MDGA2: variants seen among roughly 807,000 people sequenced by gnomAD.
MDGA2 encodes the protein MAM domain containing glycosylphosphatidylinositol anchor 2, also known as MAM domain-containing glycosylphosphatidylinositol anchor protein 2.
Under a neutral mutation model 117.8 loss-of-function variants are expected in MDGA2, and 40 were observed. That is an observed-to-expected ratio of 0.34 (90% CI 0.26 to 0.44). MDGA2 has a LOEUF of 0.44. Among genes scored for constraint, MDGA2 ranks in the 20% least tolerant of loss-of-function variants. The pLI, the probability that MDGA2 is intolerant of heterozygous loss-of-function variation, is 1.00. For synonymous variants in MDGA2, 452 were observed against 439.0 expected (o/e 1.03, Z -0.37); for missense variants, 1,123 against 1,250.6 (o/e 0.90, Z 1.54).
chr14:47,310,498 C>CG (rs1303863843), intron 1 of MDGA2, among the ~76,000 whole-genome samples: 2 of 151,988 alleles, frequency 1.3e-5, no homozygotes, highest in African/African-American at 4.8e-5. Flanking sequence ...GTTGCTCAAA[C>CG]GACTTGTATA....
chr14:47,152,176 T>C (rs547846893), intron 3 of MDGA2, among the ~76,000 whole-genome samples: 5 of 152,276 alleles, frequency 3.3e-5, no homozygotes, highest in African/African-American at 9.6e-5. Context: ...AAAGAATTTG[T>C]GGTATGAAAA....
chr14:47,331,378 G>A (rs986819720), intron 1 of MDGA2, among the ~76,000 whole-genome samples: 4 of 151,812 alleles, frequency 2.6e-5, no homozygotes, highest in African/African-American at 9.7e-5. Flanking sequence ...AAAATCAACA[G>A]AAATATTACT....
At chr14:46,918,429 C>CA in intron 10 of MDGA2, among the ~76,000 whole-genome samples, 1 of 152,282 alleles carries the variant, frequency 6.6e-6, no homozygotes, top group East Asian at 1.9e-4. Context: ...AATAAGCCCA[C>CA]AAACTGAGGG....
intron 2 of MDGA2, among the ~76,000 whole-genome samples, chr14:47,251,124 G>C (rs190903065): frequency 6.6e-6 from 1 of 152,232 alleles, no homozygotes; most frequent in African/African-American, 2.4e-5. Flanking sequence ...GTCTATTATG[G>C]AGCTTTAAAA....
intron 8 of MDGA2, among the ~76,000 whole-genome samples, chr14:46,975,995 G>A (rs1353077482): frequency 1.3e-5 from 2 of 152,020 alleles, no homozygotes; most frequent in African/African-American, 2.4e-5. Context: ...ACCTAACCAC[G>A]TTGGTGGTTT....
At chr14:47,535,587 G>A (rs1317310756) in intron 1 of MDGA2, among the ~76,000 whole-genome samples, 1 of 152,202 alleles carries the variant, frequency 6.6e-6, no homozygotes, top group African/African-American at 2.4e-5. Context: ...AGTCGGGAAG[G>A]AGTGCATTTC....
intron 1 of MDGA2, among the ~76,000 whole-genome samples, chr14:47,640,430 A>G (rs943653876): frequency 6.6e-6 from 1 of 151,952 alleles, no homozygotes; most frequent in Non-Finnish European, 1.5e-5. Context: ...TTACCCCACT[A>G]GTCTTCCTTA....
intron 1 of MDGA2, among the ~76,000 whole-genome samples, chr14:47,587,950 A>T (rs1896356156): frequency 6.6e-6 from 1 of 151,750 alleles, no homozygotes; most frequent in African/African-American, 2.4e-5. Flanking sequence ...CCTATTCCAA[A>T]CATTTCATAT....
intron 3 of MDGA2, chr14:47,200,524 TTTTTC>T (rs1339490924): frequency 2.7e-5 from 17 of 621,954 alleles, no homozygotes; most frequent in African/African-American, 4.3e-5. Flanking sequence ...TTCTTTTTTC[TTTTTC>T]TTTTCTTTTT....
At chr14:47,266,176 A>G (rs1182305605) in intron 2 of MDGA2, among the ~76,000 whole-genome samples, 2 of 152,088 alleles carry the variant, frequency 1.3e-5, no homozygotes, top group Non-Finnish European at 1.5e-5. Flanking sequence ...TGGAACCCAA[A>G]CCCAGGTCTG....
At chr14:47,279,922 G>C (rs1220627043) in intron 2 of MDGA2, among the ~76,000 whole-genome samples, 1 of 152,094 alleles carries the variant, frequency 6.6e-6, no homozygotes, top group Non-Finnish European at 1.5e-5. Flanking sequence ...CCAGTCTGGA[G>C]TGCAGTGGCA....
At chr14:47,279,547 G>C (rs1888407968) in intron 2 of MDGA2, among the ~76,000 whole-genome samples, 1 of 151,782 alleles carries the variant, frequency 6.6e-6, no homozygotes, top group African/African-American at 2.4e-5. Flanking sequence ...ATTTTCCCTA[G>C]ACATATTTTG....
At chr14:47,017,332 C>A (rs1247092295) in intron 8 of MDGA2, among the ~76,000 whole-genome samples, 3 of 150,420 alleles carry the variant, frequency 2.0e-5, no homozygotes, top group African/African-American at 7.3e-5. Flanking sequence ...AAATTTAAAT[C>A]TAGTTTTATT....
At chr14:47,509,658 A>C (rs1014557861) in intron 1 of MDGA2, among the ~76,000 whole-genome samples, 3 of 152,330 alleles carry the variant, frequency 2.0e-5, no homozygotes, top group Non-Finnish European at 2.9e-5. Flanking sequence ...GCAGAGTATC[A>C]AATCAAGAGG....
Position 47,103,786 on chromosome 14 carries a change from CTGT to C in MDGA2, c.926-6666_926-6664del, listed in dbSNP as rs534098949. Among the ~76,000 whole-genome samples the C allele has an allele frequency of 9.2e-5, 14 of 152,322 alleles. No individual in the cohort carries two copies. In the South Asian group the frequency reaches 2.5e-3, roughly 27 times the overall value. On this transcript the variant is annotated intron_variant, in intron 5 of 16. Coordinates refer to ENST00000399232, the MANE Select transcript of MDGA2 (RefSeq NM_001113498.3). ...GGGCTTTGTTTGCCTGGCACAGTAT[CTGT>C]TGTTGTTGTTATCAACAGTGATGAA...
At chr14:47,496,098 T>G (rs1894276199) in intron 1 of MDGA2, among the ~76,000 whole-genome samples, 1 of 152,170 alleles carries the variant, frequency 6.6e-6, no homozygotes, top group Non-Finnish European at 1.5e-5. Context: ...TTGAATATAT[T>G]AATAATTATT....
At chr14:46,981,359 G>A (rs1050480780) in intron 8 of MDGA2, among the ~76,000 whole-genome samples, 4 of 151,904 alleles carry the variant, frequency 2.6e-5, no homozygotes, top group African/African-American at 9.7e-5. Context: ...AGCAGAGATA[G>A]CACCACTGCA....
chr14:47,172,490 C>A (rs755266904), intron 3 of MDGA2, among the ~76,000 whole-genome samples: 1 of 152,192 alleles, frequency 6.6e-6, no homozygotes, highest in African/African-American at 2.4e-5. Context: ...TCGCGGTTCA[C>A]GAAAATCTGC....
intron 6 of MDGA2, among the ~76,000 whole-genome samples, chr14:47,067,070 A>T (rs1890112533): frequency 6.6e-6 from 1 of 152,196 alleles, no homozygotes; most frequent in Non-Finnish European, 1.5e-5. Context: ...AGCCAAGATC[A>T]GGCCACTGCA....
Sources: gnomAD v4.1 joint callset for allele counts (sites outside exome capture counted in the v4.1 genomes callset) on GRCh38, gnomAD v4.1.1 for gene constraint, MANE v1.5 for transcripts, NCBI Gene and HGNC (gene_info 2026-07-23, HGNC 2026-07-21) for gene names.